GRIP1: variants seen among roughly 807,000 people sequenced by gnomAD.
GRIP1 encodes the protein glutamate receptor-interacting protein 1.
Under a neutral mutation model 129.9 loss-of-function variants are expected in GRIP1, and 45 were observed. The ratio of observed to expected loss-of-function variants is 0.35; its 90% CI spans 0.27 to 0.44. The LOEUF (loss-of-function observed/expected upper bound fraction) is 0.44. Among genes scored for constraint, GRIP1 ranks in the 20% least tolerant of loss-of-function variants. The pLI is 1.00. For synonymous variants in GRIP1, 530 were observed against 520.8 expected (o/e 1.02, Z -0.24); for missense variants, 1,196 against 1,396.8 (o/e 0.86, Z 2.29).
At chr12:66,477,408 G>T (rs1327312888) in intron 7 of GRIP1, among the ~76,000 whole-genome samples, 1 of 151,810 alleles carries the variant, frequency 6.6e-6, no homozygotes, top group African/African-American at 2.4e-5. Context: ...AACATTCCAT[G>T]CTCATAGATA....
chr12:67,046,891 T>C (rs2043262370), intron 1 of GRIP1, among the ~76,000 whole-genome samples: 1 of 152,202 alleles, frequency 6.6e-6, no homozygotes, highest in Non-Finnish European at 1.5e-5. Flanking sequence ...TTATCCTACG[T>C]AGCCATTTTT....
intron 11 of GRIP1, among the ~76,000 whole-genome samples, chr12:66,449,758 T>A (rs1400177883): frequency 2.0e-5 from 3 of 152,216 alleles, no homozygotes; most frequent in Non-Finnish European, 4.4e-5. Context: ...TGCATTCCAG[T>A]TATTACTCAC....
chr12:67,029,540 T>C (rs1438977475), intron 1 of GRIP1, among the ~76,000 whole-genome samples: 1 of 145,004 alleles, frequency 6.9e-6, no homozygotes, highest in African/African-American at 2.6e-5. Context: ...GACTGTGCTA[T>C]TGCCCTCTAG....
intron 20 of GRIP1, 127 bp downstream of exon 20, chr12:66,379,153 G>GGAT: frequency 9.4e-7 from 1 of 1,064,708 alleles, no homozygotes. Context: ...TGGCCAGCAT[G>GGAT]GATGATTATG....
At chr12:66,957,914 T>G (rs1275229361) in intron 1 of GRIP1, among the ~76,000 whole-genome samples, 2 of 152,192 alleles carry the variant, frequency 1.3e-5, no homozygotes, top group Non-Finnish European at 2.9e-5. Context: ...AGTATCTGCA[T>G]AAATTATCTG....
chr12:67,068,055 GC>G (rs1291680146), intron 1 of GRIP1, among the ~76,000 whole-genome samples: 1 of 152,210 alleles, frequency 6.6e-6, no homozygotes, highest in Non-Finnish European at 1.5e-5. Flanking sequence ...TCCTCTGGAT[GC>G]TAGCAGAGCC....
At chr12:66,478,446 C>T (rs2059692627) in intron 7 of GRIP1, among the ~76,000 whole-genome samples, 1 of 152,044 alleles carries the variant, frequency 6.6e-6, no homozygotes, top group Non-Finnish European at 1.5e-5. Flanking sequence ...TAAACTAGTT[C>T]AACCATTGTG....
chr12:66,945,926 A>G (rs903538332), intron 1 of GRIP1, among the ~76,000 whole-genome samples: 18 of 152,248 alleles, frequency 1.2e-4, no homozygotes, highest in African/African-American at 4.3e-4. Context: ...ATTCTCATCC[A>G]TAGCTCAACA....
chr12:66,716,828 T>C (rs1234964097), intron 1 of GRIP1, among the ~76,000 whole-genome samples: 1 of 152,040 alleles, frequency 6.6e-6, no homozygotes, highest in African/African-American at 2.4e-5. Flanking sequence ...TGAAACACTT[T>C]AATTTTTTGA....
In GRIP1 at chr12:66,368,020, TCAGATGCAG is replaced by T. The variant is rs2055250821; in HGVS notation, c.3012+3665_3012+3673del. Among the ~76,000 whole-genome samples, 3 of 152,160 alleles carry T rather than the reference TCAGATGCAG, an allele frequency of 2.0e-5. No individual in the cohort carries two copies. The South Asian group carries it at 6.2e-4, about 32-fold the overall frequency. The stretch of plus-strand genomic sequence containing the variant: ...GGCTTGCCAAGATCCCAGTGGAGCC[TCAGATGCAG>T]CAGATGATGAGAAGTGAGTGAAAAC... On this transcript the variant is annotated intron_variant, in intron 23 of 24. Coordinates refer to ENST00000359742, the MANE Select transcript of GRIP1 (RefSeq NM_001366722.1).
At chr12:66,972,814 A>G (rs574453553) in intron 1 of GRIP1, among the ~76,000 whole-genome samples, 57 of 152,342 alleles carry the variant, frequency 3.7e-4, no homozygotes, top group South Asian at 2.1e-3. Flanking sequence ...GATGCTTTCC[A>G]GAAACCATGA....
At chr12:66,751,348 G>C (rs992058996) in intron 1 of GRIP1, among the ~76,000 whole-genome samples, 2 of 152,130 alleles carry the variant, frequency 1.3e-5, no homozygotes, top group African/African-American at 4.8e-5. Context: ...GCTCTTAACG[G>C]ATGCTCAAAG....
At chr12:66,504,488 A>G (rs1259959786) in intron 7 of GRIP1, among the ~76,000 whole-genome samples, 5 of 152,144 alleles carry the variant, frequency 3.3e-5, no homozygotes, top group African/African-American at 4.8e-5. Flanking sequence ...TGGGATGGTA[A>G]TAAGATGCAT....
chr12:66,582,159 T>C (rs1349680262), intron 2 of GRIP1, among the ~76,000 whole-genome samples: 1 of 151,448 alleles, frequency 6.6e-6, no homozygotes. Context: ...AAAAACCACA[T>C]GATTATCTCA....
At chr12:66,666,167 T>C (rs914977202) in intron 1 of GRIP1, among the ~76,000 whole-genome samples, 2 of 152,276 alleles carry the variant, frequency 1.3e-5, no homozygotes, top group South Asian at 2.1e-4. Flanking sequence ...TCTGTACAGA[T>C]AGAATATAAA....
intron 1 of GRIP1, among the ~76,000 whole-genome samples, chr12:66,917,799 AGT>A (rs1193475660): frequency 2.0e-5 from 3 of 152,170 alleles, no homozygotes; most frequent in African/African-American, 7.2e-5. Flanking sequence ...GGACAAATTA[AGT>A]CATTTTATAT....
chr12:67,061,605 T>C (rs1430416187), intron 1 of GRIP1, among the ~76,000 whole-genome samples: 1 of 152,152 alleles, frequency 6.6e-6, no homozygotes, highest in African/African-American at 2.4e-5. Flanking sequence ...AAAAAATAAA[T>C]ACAGTACAAC....
rs148052644 is a variant in GRIP1, at chr12:66,509,583, G to A, written c.724+6036C>T. ...TAATCACAGACTGGATAAAGAAAAT[G>A]TGATACATATACACTATAGAATATT... On this transcript the variant is annotated intron_variant, in intron 7 of 24. Coordinates refer to ENST00000359742, the MANE Select transcript of GRIP1 (RefSeq NM_001366722.1). 4.6e-5 allele frequency among the ~76,000 whole-genome samples: 7 copies of A among 152,250 alleles called. No individual in the cohort carries two copies. The East Asian group carries it at 1.4e-3, about 29-fold the overall frequency.
intron 2 of GRIP1, among the ~76,000 whole-genome samples, chr12:66,561,651 G>A (rs370188242): frequency 7.9e-5 from 12 of 152,008 alleles, no homozygotes; most frequent in East Asian, 5.8e-4. Context: ...CTATTGCCTC[G>A]CCTCTGGCAA....
Sources: gnomAD v4.1 joint callset for allele counts (sites outside exome capture counted in the v4.1 genomes callset) on GRCh38, gnomAD v4.1.1 for gene constraint, MANE v1.5 for transcripts, NCBI Gene and HGNC (gene_info 2026-07-23, HGNC 2026-07-21) for gene names.